PKD2: variants seen among roughly 807,000 people sequenced by gnomAD.
The protein encoded by PKD2 is polycystin 2, transient receptor potential cation channel.
Under a neutral mutation model 105.9 loss-of-function variants are expected in PKD2, and 48 were observed. That is an observed-to-expected ratio of 0.45 (90% CI 0.36 to 0.58). The LOEUF (loss-of-function observed/expected upper bound fraction) is 0.58, where lower values mean the gene tolerates loss of function less well. Among genes scored for constraint, PKD2 ranks in the 20% least tolerant of loss-of-function variants. The pLI, the probability that PKD2 is intolerant of heterozygous loss-of-function variation, is 0.00. For missense variants in PKD2, 1,078 were observed against 1,255.3 expected (o/e 0.86, Z 2.13); for synonymous variants, 464 against 481.1 (o/e 0.96, Z 0.46).
At chr4:88,021,799 C>T (rs546436344) in intron 2 of PKD2, among the ~76,000 whole-genome samples, 1 of 152,318 alleles carries the variant, frequency 6.6e-6, no homozygotes, top group South Asian at 2.1e-4. Flanking sequence ...TTCCACGTTG[C>T]TTTTCCAATT....
chr4:88,053,643 T>C (rs1293151391), intron 7 of PKD2, among the ~76,000 whole-genome samples: 3 of 142,354 alleles, frequency 2.1e-5, no homozygotes, highest in Non-Finnish European at 3.0e-5. Flanking sequence ...GGCAACAGAG[T>C]GAGACCCTGT....
At chr4:88,023,601 C>G (rs1229515525) in intron 2 of PKD2, among the ~76,000 whole-genome samples, 1 of 152,158 alleles carries the variant, frequency 6.6e-6, no homozygotes, top group Admixed American at 6.5e-5. Context: ...GAGTTAAAAT[C>G]CCAGCTTCAC....
intron 2 of PKD2, among the ~76,000 whole-genome samples, chr4:88,029,690 T>C (rs1174704867): frequency 1.3e-5 from 2 of 152,360 alleles, no homozygotes; most frequent in African/African-American, 2.4e-5. Flanking sequence ...AAAACAGATT[T>C]AGGCCCTGAC....
At chr4:88,049,148 C>T (rs1209090660) in intron 6 of PKD2, among the ~76,000 whole-genome samples, 3 of 152,224 alleles carry the variant, frequency 2.0e-5, no homozygotes, top group Non-Finnish European at 4.4e-5. Context: ...TCAGTGAAAG[C>T]TTTGACTACT....
chr4:88,054,460 G>A (rs1037868924), intron 7 of PKD2, among the ~76,000 whole-genome samples: 1 of 151,420 alleles, frequency 6.6e-6, no homozygotes, highest in Non-Finnish European at 1.5e-5. Flanking sequence ...ATTAAGTAAT[G>A]TGATTACAGC....
At position 88,052,083 on chromosome 4, in the gene PKD2, C is replaced by A. The variant is rs760705469; in HGVS notation, c.1641C>A (p.Asn547Lys). ...QFLEDQNTFP[N>K]FEHLAYWQIQ... ...TGGAAGATCAAAATACTTTCCCCAA[C>A]TTTGAGCATCTGGCATATTGGCAGA... Residue 547 changes from asparagine to lysine, a missense_variant, in exon 7 of 15, where the codon AAC becomes AAA. Physicochemically the swap from Asn to Lys is moderately conservative, Grantham distance 94. Coordinates refer to ENST00000237596, the MANE Select transcript of PKD2 (RefSeq NM_000297.4). 3 of 1,605,876 alleles carry A rather than the reference C, an allele frequency of 1.9e-6. No individual in the cohort carries two copies. The highest frequency in any genetic ancestry group is 3.3e-5 in the Admixed American group (2 of 60,004).
At chr4:88,070,599 T>TAG (rs1267235364) in intron 13 of PKD2, among the ~76,000 whole-genome samples, 1,639 of 98,094 alleles carry the variant, frequency 0.017, 14 homozygotes, top group East Asian at 0.062. Context: ...TATATATATA[T>TAG]ATAGAGAGAG....
At chr4:88,020,683 CTTT>C (rs746448717) in intron 2 of PKD2, among the ~76,000 whole-genome samples, 6 of 138,082 alleles carry the variant, frequency 4.3e-5, no homozygotes, top group Admixed American at 1.5e-4. Flanking sequence ...AAAAGGTTTC[CTTT>C]TTTTTTTTTT....
At chr4:88,024,457 G>GAAAAAAAAAAAAAAAAA (rs552942631) in intron 2 of PKD2, among the ~76,000 whole-genome samples, 3 of 50,378 alleles carry the variant, frequency 6.0e-5, no homozygotes, top group Non-Finnish European at 1.0e-4. Context: ...ACTCTGTCTC[G>GAAAAAAAAAAAAAAAAA]AAAAAAAAAA....
intron 7 of PKD2, among the ~76,000 whole-genome samples, chr4:88,054,737 C>T (rs1720258103): frequency 6.7e-6 from 1 of 150,138 alleles, no homozygotes; most frequent in Non-Finnish European, 1.5e-5. Flanking sequence ...TCACTGCAAC[C>T]TCCGTCTCCT....
intron 5 of PKD2, among the ~76,000 whole-genome samples, chr4:88,044,880 C>G (rs972717974): frequency 2.0e-5 from 3 of 151,590 alleles, no homozygotes; most frequent in African/African-American, 4.8e-5. Flanking sequence ...TCCTTGCTCA[C>G]AGTGGCCAAA....
intron 13 of PKD2, among the ~76,000 whole-genome samples, chr4:88,074,019 G>A (rs969328242): frequency 2.4e-4 from 37 of 152,020 alleles, no homozygotes; most frequent in African/African-American, 7.2e-4. Flanking sequence ...TTAATATATT[G>A]TAAATCTAAT....
At chr4:88,008,862 T>C (rs537551431) in intron 1 of PKD2, among the ~76,000 whole-genome samples, 1 of 152,308 alleles carries the variant, frequency 6.6e-6, no homozygotes, top group East Asian at 1.9e-4. Context: ...GGTGCATTTT[T>C]TTGGTGATGT....
At chr4:88,050,067 C>G (rs897519675) in intron 6 of PKD2, among the ~76,000 whole-genome samples, 1 of 150,780 alleles carries the variant, frequency 6.6e-6, no homozygotes, top group African/African-American at 2.5e-5. Flanking sequence ...CTCTGCCTCC[C>G]GGGTTCACGC....
At chr4:88,075,181 CAT>C (rs1168408981) in intron 14 of PKD2, among the ~76,000 whole-genome samples, 33 of 152,140 alleles carry the variant, frequency 2.2e-4, no homozygotes, top group African/African-American at 8.0e-4. Flanking sequence ...TCAATGTAGT[CAT>C]ATTGTCTAAC....
chr4:88,056,274 A>G lies in PKD2; in HGVS notation c.1898+7A>G, dbSNP rs1375807366. 5 of 1,582,740 alleles carry G rather than the reference A, an allele frequency of 3.2e-6. No individual in the cohort carries two copies. Among genetic ancestry groups the G allele is most frequent in the African/African-American group, 1.3e-5 (1 of 74,108 alleles). On this transcript the variant is annotated splice_region_variant and intron_variant, in intron 8 of 14. Transcript: ENST00000237596. Reference sequence around the variant, plus strand: ...GTACTTTCCAAGAGTGTATGTAAGTATATATGAAATTAAGAAGAAAAATTT... The same window carrying G: ...GTACTTTCCAAGAGTGTATGTAAGTGTATATGAAATTAAGAAGAAAAATTT...
intron 8 of PKD2, 23 bp from the exon 9 acceptor site, chr4:88,057,960 G>A (rs1462169567): frequency 1.3e-6 from 2 of 1,555,018 alleles, no homozygotes; most frequent in Admixed American, 3.3e-5. Context: ...TTTGTATTGT[G>A]GTGTTTTGTT....
intron 2 of PKD2, among the ~76,000 whole-genome samples, chr4:88,020,607 G>C (rs1357562910): frequency 6.6e-6 from 1 of 151,906 alleles, no homozygotes; most frequent in African/African-American, 2.4e-5. Flanking sequence ...CTCATCTAAA[G>C]TCTTCACGAG....
chr4:88,018,922 G>A (rs142963403), intron 1 of PKD2, among the ~76,000 whole-genome samples: 98 of 152,318 alleles, frequency 6.4e-4, no homozygotes, highest in African/African-American at 2.2e-3. Flanking sequence ...ACAGAGCAGA[G>A]TTTTTATGCC....
Sources: gnomAD v4.1 joint callset for allele counts (sites outside exome capture counted in the v4.1 genomes callset) on GRCh38, gnomAD v4.1.1 for gene constraint, MANE v1.5 for transcripts, NCBI Gene and HGNC (gene_info 2026-07-23, HGNC 2026-07-21) for gene names.